The following ANO3 variants were observed in gnomAD, a reference collection of about 807,000 sequenced individuals.
ANO3 encodes the protein anoctamin-3.
ANO3 carries 99 observed loss-of-function variants against 144.8 expected under a neutral mutation model. That is an observed-to-expected ratio of 0.68 (90% CI 0.58 to 0.81). The LOEUF (loss-of-function observed/expected upper bound fraction) is 0.81. Among genes scored for constraint, ANO3 ranks in the 30% least tolerant of loss-of-function variants. ANO3 has a pLI of 0.00. For synonymous variants in ANO3, 414 were observed against 392.6 expected, an observed-to-expected ratio of 1.05 and a Z score of -0.64; for missense variants, 905 against 1,202.2, an observed-to-expected ratio of 0.75 and a Z score of 3.66.
chr11:26,454,366 T>C (rs1590374161), intron 3 of ANO3, among the ~76,000 whole-genome samples: 1 of 151,664 alleles, frequency 6.6e-6, no homozygotes, highest in Non-Finnish European at 1.5e-5. Context: ...AAGAATCAAA[T>C]AGACGCAATA....
At chr11:26,596,914 G>T (rs1851646539) in intron 14 of ANO3, among the ~76,000 whole-genome samples, 3 of 152,166 alleles carry the variant, frequency 2.0e-5, no homozygotes, top group South Asian at 4.1e-4. Flanking sequence ...AATTGTGAAA[G>T]CAGAAGCTGG....
chr11:26,303,638 C>T (rs1001658368), intron 1 of ANO3, among the ~76,000 whole-genome samples: 2 of 152,188 alleles, frequency 1.3e-5, no homozygotes, highest in Admixed American at 1.3e-4. Context: ...TATCCCAAAC[C>T]TCAGCATCAT....
Position 26,656,622 on chromosome 11 carries a change from G to A in ANO3, c.2763+141G>A, listed in dbSNP as rs1853697863. The stretch of plus-strand genomic sequence containing the variant: ...CGTAAAAGGCTTTAATACAATGAAA[G>A]CATTATTACAAGTACAGAAAAGCAA... On this transcript the variant is annotated intron_variant, in intron 26 of 26. Transcript: ENST00000256737. 7 of 620,038 alleles carry A rather than the reference G, an allele frequency of 1.1e-5. No homozygotes were observed. The South Asian group carries it at 1.2e-4, about 11-fold the overall frequency. The allele number at this position is 620,038 out of a possible 1,614,324, so 38.4% of individuals were successfully genotyped here. A position where few individuals can be genotyped will look rare whatever the true frequency, so the allele number is the denominator to read the frequency against.
chr11:26,300,870 T>TC (rs1374649550), intron 1 of ANO3, among the ~76,000 whole-genome samples: 1 of 146,496 alleles, frequency 6.8e-6, no homozygotes, highest in African/African-American at 2.6e-5. Flanking sequence ...TTTTTTTTTT[T>TC]TGAGGTGGAG....
At chr11:26,488,349 G>A (rs1042291561) in intron 4 of ANO3, among the ~76,000 whole-genome samples, 8 of 152,294 alleles carry the variant, frequency 5.3e-5, no homozygotes, top group African/African-American at 1.9e-4. Flanking sequence ...CCAAGACCAT[G>A]GGGAAATGTC....
chr11:26,507,998 T>TA, intron 4 of ANO3, 106 bp from the exon 5 acceptor site: 1 of 979,784 alleles, frequency 1.0e-6, no homozygotes. Flanking sequence ...ATATTAAAAA[T>TA]ACATTTTTTG....
chr11:26,561,704 T>G (rs1850301812), intron 14 of ANO3, among the ~76,000 whole-genome samples: 1 of 151,986 alleles, frequency 6.6e-6, no homozygotes, highest in Non-Finnish European at 1.5e-5. Context: ...AAAAAAAGTA[T>G]TTGTGGGAGC....
intron 20 of ANO3, among the ~76,000 whole-genome samples, chr11:26,635,667 A>G (rs1852934350): frequency 6.6e-6 from 1 of 152,224 alleles, no homozygotes; most frequent in African/African-American, 2.4e-5. Context: ...CACTTTTACC[A>G]ATCTAATAGC....
chr11:26,659,310 T>C (rs892566230), intron 26 of ANO3, among the ~76,000 whole-genome samples: 1 of 152,022 alleles, frequency 6.6e-6, no homozygotes, highest in Non-Finnish European at 1.5e-5. Flanking sequence ...AGCAGCCTCA[T>C]TCAACATGTA....
At chr11:26,592,050 C>A (rs1480700398) in intron 14 of ANO3, among the ~76,000 whole-genome samples, 2 of 152,092 alleles carry the variant, frequency 1.3e-5, no homozygotes, top group Non-Finnish European at 2.9e-5. Context: ...GGACAGGTTC[C>A]CTGTAATGTT....
intron 1 of ANO3, among the ~76,000 whole-genome samples, chr11:26,351,224 T>G (rs1855636953): frequency 6.6e-6 from 1 of 151,930 alleles, no homozygotes; most frequent in South Asian, 2.1e-4. Context: ...ATTCAGTTTT[T>G]CCATGGGTAC....
chr11:26,531,507 T>C (rs1053366390), intron 8 of ANO3, among the ~76,000 whole-genome samples, 171 bp downstream of exon 8: 2 of 152,202 alleles, frequency 1.3e-5, no homozygotes, highest in Non-Finnish European at 2.9e-5. Flanking sequence ...ATGTTATTAA[T>C]TCGCTATCAA....
At chr11:26,516,785 T>C (rs762715997) in intron 5 of ANO3, 42 bp from the exon 6 acceptor site, 2 of 1,392,722 alleles carry the variant, frequency 1.4e-6, no homozygotes, top group Non-Finnish European at 1.0e-6. Context: ...TATCATCAGC[T>C]CTGATTCTAA....
At chr11:26,315,558 T>C (rs1228640934) in intron 1 of ANO3, among the ~76,000 whole-genome samples, 1 of 152,158 alleles carries the variant, frequency 6.6e-6, no homozygotes, top group African/African-American at 2.4e-5. Flanking sequence ...ACTGTTCAGT[T>C]CTACTTGATC....
intron 18 of ANO3, among the ~76,000 whole-genome samples, chr11:26,632,938 C>T (rs2029714): frequency 0.14 from 21,444 of 152,116 alleles, 1,847 homozygotes; most frequent in African/African-American, 0.24. Context: ...TGTCAAAACC[C>T]GTGGGGACAA....
At chr11:26,437,907 T>C (rs1858352303) in intron 1 of ANO3, among the ~76,000 whole-genome samples, 2 of 152,248 alleles carry the variant, frequency 1.3e-5, no homozygotes, top group Non-Finnish European at 2.9e-5. Flanking sequence ...AGACAAAGTA[T>C]GTTTTGTTTT....
chr11:26,596,028 C>G (rs997080755), intron 14 of ANO3, among the ~76,000 whole-genome samples: 1 of 152,168 alleles, frequency 6.6e-6, no homozygotes, highest in Non-Finnish European at 1.5e-5. Context: ...GTGTTTTGGG[C>G]TATGCCCTTG....
At chr11:26,568,174 A>G (rs1026300880) in intron 14 of ANO3, among the ~76,000 whole-genome samples, 3 of 152,076 alleles carry the variant, frequency 2.0e-5, no homozygotes, top group African/African-American at 7.2e-5. Context: ...TGGAAAGTAT[A>G]TTACTATTAT....
intron 1 of ANO3, among the ~76,000 whole-genome samples, chr11:26,216,316 C>A (rs773440357): frequency 6.6e-6 from 1 of 151,830 alleles, no homozygotes; most frequent in African/African-American, 2.4e-5. Context: ...ATTAATTAAC[C>A]TCCCTCCTCC....
Sources: allele counts gnomAD v4.1 joint callset (sites outside exome capture counted in the v4.1 genomes callset), GRCh38; gene constraint gnomAD v4.1.1; transcripts MANE v1.5; gene names NCBI Gene and HGNC (gene_info 2026-07-23, HGNC 2026-07-21).